Variants in THSD4 observed in about 807,000 individuals in gnomAD.
THSD4 encodes the protein thrombospondin type-1 domain-containing protein 4.
THSD4 carries 69 observed loss-of-function variants against 119.0 expected under a neutral mutation model. The observed-to-expected ratio is 0.58, with a 90% CI of 0.48 to 0.71. THSD4 has a LOEUF of 0.71. Among genes scored for constraint, THSD4 ranks in the 30% least tolerant of loss-of-function variants. The pLI is 0.00. For synonymous variants in THSD4, 524 were observed against 540.4 expected, an observed-to-expected ratio of 0.97 and a Z score of 0.42; for missense variants, 1,393 against 1,391.1, an observed-to-expected ratio of 1.00 and a Z score of -0.02.
intron 1 of THSD4, among the ~76,000 whole-genome samples, chr15:71,135,757 C>T (rs921879346): frequency 6.6e-5 from 10 of 152,122 alleles, no homozygotes; most frequent in African/African-American, 9.7e-5. Flanking sequence ...GGGGACACTC[C>T]GCACATCTTG....
At chr15:71,314,330 C>T (rs1051776036) in intron 6 of THSD4, among the ~76,000 whole-genome samples, 4 of 151,700 alleles carry the variant, frequency 2.6e-5, no homozygotes, top group Non-Finnish European at 4.4e-5. Flanking sequence ...TTATTGGCGG[C>T]GGAGTCTCAC....
chr15:71,312,783 T>A (rs1301300523), intron 6 of THSD4, among the ~76,000 whole-genome samples: 1 of 152,078 alleles, frequency 6.6e-6, no homozygotes, highest in Admixed American at 6.6e-5. Flanking sequence ...TTGCACTTGC[T>A]CTTTGTGCTT....
At position 71,542,843 on chromosome 15, in the gene THSD4, C is replaced by T. The variant is rs191093896; in HGVS notation, c.1153-117687C>T. Among the ~76,000 whole-genome samples, 616 of 151,108 alleles carry T rather than the reference C, an allele frequency of 4.1e-3. 3 individuals are homozygous for T. Among genetic ancestry groups the T allele is most frequent in the African/African-American group, 0.015 (601 of 41,096 alleles). ...AGTGAGCCGAGATTGTGCCACTGCA[C>T]TCCAGCCTGGGCAACAGAGCAAGAC... On this transcript the variant is annotated intron_variant, in intron 7 of 17. Transcript: ENST00000261862.
chr15:71,222,520 C>T (rs1313120185), intron 4 of THSD4, among the ~76,000 whole-genome samples: 1 of 152,170 alleles, frequency 6.6e-6, no homozygotes, highest in African/African-American at 2.4e-5. Context: ...CTCCTGGAGA[C>T]AGCTGTGGGT....
At chr15:71,194,297 C>T (rs548330660) in intron 3 of THSD4, among the ~76,000 whole-genome samples, 145 of 152,296 alleles carry the variant, frequency 9.5e-4, no homozygotes, top group African/African-American at 3.1e-3. Context: ...ACAGATGCCT[C>T]CATCTGTTTT....
intron 6 of THSD4, among the ~76,000 whole-genome samples, chr15:71,390,983 C>T (rs921042830): frequency 5.3e-5 from 8 of 150,722 alleles, no homozygotes; most frequent in Non-Finnish European, 8.9e-5. Context: ...ATCTCAGCCA[C>T]CCGAGTAGCT....
chr15:71,737,368 A>T (rs536039124), intron 10 of THSD4, among the ~76,000 whole-genome samples: 2 of 152,312 alleles, frequency 1.3e-5, no homozygotes, highest in African/African-American at 4.8e-5. Flanking sequence ...AGGGTTTCCA[A>T]ACTTTCCAAT....
intron 5 of THSD4, among the ~76,000 whole-genome samples, chr15:71,244,281 C>A (rs148294656): frequency 6.6e-6 from 1 of 151,986 alleles, no homozygotes; most frequent in Non-Finnish European, 1.5e-5. Context: ...TTAAAGACTG[C>A]GTATTAAAGA....
chr15:71,321,436 T>C (rs1307429968), intron 6 of THSD4, among the ~76,000 whole-genome samples: 2 of 152,148 alleles, frequency 1.3e-5, no homozygotes, highest in African/African-American at 4.8e-5. Flanking sequence ...CTCAGGAGGC[T>C]GAGGCAGGAG....
intron 7 of THSD4, among the ~76,000 whole-genome samples, chr15:71,628,596 G>A (rs1253804884): frequency 2.6e-5 from 4 of 152,192 alleles, no homozygotes; most frequent in Non-Finnish European, 5.9e-5. Flanking sequence ...GAGGTTTAGG[G>A]TGAAGCCTGA....
At chr15:71,731,543 C>T (rs919422153) in intron 10 of THSD4, 25 of 288,518 alleles carry the variant, frequency 8.7e-5, no homozygotes, top group African/African-American at 1.3e-4. Context: ...CTCTGGGAGG[C>T]CGACGCAGGT....
chr15:71,108,563 G>T (rs1327386782), intron 1 of THSD4, among the ~76,000 whole-genome samples: 1 of 152,184 alleles, frequency 6.6e-6, no homozygotes, highest in African/African-American at 2.4e-5. Context: ...CCAAGGGACA[G>T]GACAATGGGG....
intron 8 of THSD4, among the ~76,000 whole-genome samples, chr15:71,678,714 T>C (rs2051704083): frequency 6.6e-6 from 1 of 152,184 alleles, no homozygotes; most frequent in Non-Finnish European, 1.5e-5. Flanking sequence ...TTTTGGCATC[T>C]CCTGACTCTA....
At chr15:71,724,295 TTTC>T (rs200222262) in intron 8 of THSD4, among the ~76,000 whole-genome samples, 571 of 39,412 alleles carry the variant, frequency 0.014, 19 homozygotes, top group South Asian at 0.021. Context: ...ATATTTTTTT[TTTC>T]CCCCCAAGAT....
At chr15:71,206,406 C>T (rs1220190128) in intron 3 of THSD4, among the ~76,000 whole-genome samples, 1 of 152,212 alleles carries the variant, frequency 6.6e-6, no homozygotes, top group Non-Finnish European at 1.5e-5. Context: ...TATGTTCCTG[C>T]TTTCATTTGC....
intron 6 of THSD4, among the ~76,000 whole-genome samples, chr15:71,316,361 G>C (rs575771977): frequency 1.3e-5 from 2 of 152,114 alleles, no homozygotes; most frequent in Non-Finnish European, 2.9e-5. Flanking sequence ...CTCCAACCAA[G>C]GGGTTACATT....
At position 71,728,634 on chromosome 15, in the gene THSD4, G is replaced by C. The variant is rs1224206696; in HGVS notation, c.1443G>C (p.Met481Ile). ...GAAAATACGAGGGCGGAGGGACCAT[G>C]TTCACCTACAAGCGTCCAAATGAGA... ...RPGKYEGGGT[M>I]FTYKRPNEIS... is the part of the protein sequence containing the mutation. Residue 481 changes from methionine to isoleucine, a missense_variant, in exon 9 of 18, where the codon ATG becomes ATC. Physicochemically the swap from Met to Ile is conservative, Grantham distance 10. Transcript: ENST00000261862. 2 of 1,614,232 alleles carry C rather than the reference G, an allele frequency of 1.2e-6. No homozygotes were observed. Among genetic ancestry groups the C allele is most frequent in the South Asian group, 1.1e-5 (1 of 91,084 alleles).
At chr15:71,338,857 A>G (rs1419162748) in intron 6 of THSD4, among the ~76,000 whole-genome samples, 1 of 152,166 alleles carries the variant, frequency 6.6e-6, no homozygotes, top group Non-Finnish European at 1.5e-5. Flanking sequence ...TAATGTAGCC[A>G]GAACTGAGGT....
chr15:71,443,399 G>A (rs1006005289), intron 7 of THSD4, among the ~76,000 whole-genome samples: 2 of 150,042 alleles, frequency 1.3e-5, no homozygotes, highest in Admixed American at 1.3e-4. Context: ...TCTATCGACT[G>A]ATGTCCAACC....
Sources: gnomAD v4.1 joint callset for allele counts (sites outside exome capture counted in the v4.1 genomes callset) on GRCh38, gnomAD v4.1.1 for gene constraint, MANE v1.5 for transcripts, NCBI Gene and HGNC (gene_info 2026-07-23, HGNC 2026-07-21) for gene names.